The following KIAA1549 variants were observed in gnomAD, a reference collection of about 807,000 sequenced individuals.
KIAA1549 encodes KIAA1549.
A neutral mutation model predicts 156.4 loss-of-function variants in KIAA1549; 70 were observed. The observed-to-expected ratio is 0.45, with a 90% CI of 0.37 to 0.55. The LOEUF (loss-of-function observed/expected upper bound fraction) is 0.55, where lower values mean the gene tolerates loss of function less well. Ranked by LOEUF, KIAA1549 falls within the 20% of genes least tolerant of loss-of-function variation. KIAA1549 has a pLI of 0.00. For synonymous variants in KIAA1549, 1,103 were observed against 1,066.4 expected (o/e 1.03, Z -0.67); for missense variants, 2,428 against 2,540.9 (o/e 0.96, Z 0.96).
intron 1 of KIAA1549, among the ~76,000 whole-genome samples, chr7:138,963,828 A>G (rs1813928677): frequency 6.6e-6 from 1 of 152,248 alleles, no homozygotes; most frequent in Admixed American, 6.5e-5. Context: ...TGTCAGAAAC[A>G]AACAACAGAA....
chr7:138,883,407 G>C (rs984452341), intron 10 of KIAA1549, among the ~76,000 whole-genome samples: 5 of 151,384 alleles, frequency 3.3e-5, no homozygotes, highest in African/African-American at 9.7e-5. Context: ...CTGCCTCCCG[G>C]GTTCAAGTGA....
chr7:138,976,082 CTTATT>C (rs1814369500), intron 1 of KIAA1549, among the ~76,000 whole-genome samples: 2 of 152,202 alleles, frequency 1.3e-5, no homozygotes, highest in African/African-American at 2.4e-5. Context: ...CTTATTTTAT[CTTATT>C]TTATTTTGAG....
intron 2 of KIAA1549, among the ~76,000 whole-genome samples, chr7:138,915,634 C>T (rs1372848167): frequency 1.3e-5 from 2 of 151,994 alleles, no homozygotes; most frequent in Non-Finnish European, 2.9e-5. Flanking sequence ...AGCGTGTTCT[C>T]CTCCTTCTCC....
At chr7:138,884,214 C>T (rs925370110) in intron 10 of KIAA1549, among the ~76,000 whole-genome samples, 2 of 151,942 alleles carry the variant, frequency 1.3e-5, no homozygotes, top group Non-Finnish European at 2.9e-5. Context: ...GGTAGCACCC[C>T]CACGGAGGGC....
chr7:138,853,731 T>C (rs2130352317), intron 16 of KIAA1549, among the ~76,000 whole-genome samples: 1 of 152,190 alleles, frequency 6.6e-6, no homozygotes, highest in Non-Finnish European at 1.5e-5. Context: ...AAGAGGGTTA[T>C]GGAGGAAGGG....
At chr7:138,932,648 A>G (rs1812904112) in intron 1 of KIAA1549, among the ~76,000 whole-genome samples, 2 of 152,206 alleles carry the variant, frequency 1.3e-5, no homozygotes, top group South Asian at 4.1e-4. Flanking sequence ...TGAGGTCACT[A>G]GAGTTGAACT....
At chr7:138,965,245 G>A (rs896987948) in intron 1 of KIAA1549, among the ~76,000 whole-genome samples, 6 of 152,114 alleles carry the variant, frequency 3.9e-5, no homozygotes, top group Non-Finnish European at 8.8e-5. Flanking sequence ...TAGGCAGAGG[G>A]AACAGCAAGT....
chr7:138,949,573 C>T (rs1044415828), intron 1 of KIAA1549, among the ~76,000 whole-genome samples: 3 of 152,246 alleles, frequency 2.0e-5, no homozygotes, highest in Admixed American at 6.5e-5. Flanking sequence ...CCAATGCCAG[C>T]CTGTAGGACT....
rs765692579 is a variant in KIAA1549 at position 138,919,172 on chromosome 7, C to T, written c.454G>A (p.Val152Ile). 9.9e-6 allele frequency: 16 copies of T among 1,614,008 alleles called. No homozygotes were observed. The Admixed American group carries it at 1.2e-4, about 12-fold the overall frequency. Residue 152 changes from valine to isoleucine, a missense_variant, in exon 2 of 20, where the codon GTC (valine) becomes ATC (isoleucine). Transcript: ENST00000422774. ...YVSVTSKEVAVNDDEMDNFLP... is the reference protein window; with the variant it reads ...YVSVTSKEVAINDDEMDNFLP... ...AAGTTATCCATCTCATCGTCATTGA[C>T]GGCCACCTCTTTACTCGTCACTGAC...
At chr7:138,939,147 C>T (rs1002117001) in intron 1 of KIAA1549, among the ~76,000 whole-genome samples, 2 of 152,160 alleles carry the variant, frequency 1.3e-5, no homozygotes, top group East Asian at 3.8e-4. Context: ...AAATCCCAGA[C>T]ATCATTAATT....
chr7:138,841,855 C>A (rs907235761), intron 18 of KIAA1549, among the ~76,000 whole-genome samples: 1 of 150,244 alleles, frequency 6.7e-6, no homozygotes, highest in African/African-American at 2.5e-5. Flanking sequence ...TGTGAGCTAT[C>A]GTACCTGACC....
At chr7:138,934,521 T>A (rs190363566) in intron 1 of KIAA1549, among the ~76,000 whole-genome samples, 1 of 151,956 alleles carries the variant, frequency 6.6e-6, no homozygotes, top group East Asian at 1.9e-4. Context: ...TTGCCATATG[T>A]CACATCTTTG....
At chr7:138,937,525 A>G (rs1563085326) in intron 1 of KIAA1549, among the ~76,000 whole-genome samples, 1 of 152,200 alleles carries the variant, frequency 6.6e-6, no homozygotes, top group Non-Finnish European at 1.5e-5. Flanking sequence ...GGAGACAGAC[A>G]ATAATGATGA....
At chr7:138,958,518 T>C (rs1314540494) in intron 1 of KIAA1549, among the ~76,000 whole-genome samples, 1 of 152,222 alleles carries the variant, frequency 6.6e-6, no homozygotes, top group African/African-American at 2.4e-5. Context: ...AACTGACATA[T>C]ATATGAATAT....
At chr7:138,962,045 C>T (rs1361813125) in intron 1 of KIAA1549, among the ~76,000 whole-genome samples, 4 of 152,144 alleles carry the variant, frequency 2.6e-5, no homozygotes, top group African/African-American at 7.2e-5. Context: ...CAAGGATGCA[C>T]TGGAGTGTGA....
At chr7:138,884,802 A>G (rs534303984) in intron 10 of KIAA1549, among the ~76,000 whole-genome samples, 15 of 152,368 alleles carry the variant, frequency 9.8e-5, no homozygotes, top group African/African-American at 3.6e-4. Context: ...AAACACACCT[A>G]TGACTTGTAA....
intron 10 of KIAA1549, among the ~76,000 whole-genome samples, chr7:138,885,167 C>T (rs1811354954): frequency 1.3e-5 from 2 of 152,206 alleles, no homozygotes; most frequent in Non-Finnish European, 2.9e-5. Context: ...TGTACTCCAG[C>T]CTTGTACTCC....
At chr7:138,898,163 T>G (rs1811741822) in intron 9 of KIAA1549, among the ~76,000 whole-genome samples, 1 of 151,396 alleles carries the variant, frequency 6.6e-6, no homozygotes, top group Non-Finnish European at 1.5e-5. Context: ...AAAAATTAGC[T>G]GGGCATGGTG....
At chr7:138,908,288 T>C (rs1812066821) in intron 5 of KIAA1549, among the ~76,000 whole-genome samples, 1 of 151,976 alleles carries the variant, frequency 6.6e-6, no homozygotes, top group South Asian at 2.1e-4. Context: ...CTAATTAACG[T>C]CCTCAGAGAC....
Sources: allele counts gnomAD v4.1 joint callset (sites outside exome capture counted in the v4.1 genomes callset), GRCh38; gene constraint gnomAD v4.1.1; transcripts MANE v1.5; gene names NCBI Gene and HGNC (gene_info 2026-07-23, HGNC 2026-07-21).